RANBP2: variants seen among roughly 807,000 people sequenced by gnomAD.
The protein encoded by RANBP2 is RAN binding protein 2.
RANBP2 carries 57 observed loss-of-function variants against 303.6 expected under a neutral mutation model. That is an observed-to-expected ratio of 0.19 (90% CI 0.15 to 0.23). The LOEUF is 0.23. RANBP2 is among the 10% of genes least tolerant of loss of function. The pLI is 1.00. For synonymous variants in RANBP2, 1,167 were observed against 1,301.5 expected (o/e 0.90, Z 2.23); for missense variants, 3,138 against 3,780.8 (o/e 0.83, Z 4.46).
the RANBP2 span, among the ~76,000 whole-genome samples, chr2:109,692,823 T>TC: frequency 1.5e-4 from 23 of 150,486 alleles, no homozygotes; most frequent in Non-Finnish European, 2.5e-4. Flanking sequence ...TTTCTTTCTT[T>TC]TTTTTTTTTT....
At chr2:109,298,499 T>C in the RANBP2 span, among the ~76,000 whole-genome samples, 1 of 152,106 alleles carries the variant, frequency 6.6e-6, no homozygotes, top group Admixed American at 6.5e-5. Flanking sequence ...GGGGATGATT[T>C]AGGTCACTTT....
At chr2:109,170,309 CT>C in the RANBP2 span, among the ~76,000 whole-genome samples, 1 of 124,190 alleles carries the variant, frequency 8.1e-6, no homozygotes, top group African/African-American at 3.1e-5. Context: ...CTTCTCTTCT[CT>C]TCTCTCCTCT....
chr2:109,429,766 GCAAGAAGGCCA>G, the RANBP2 span, among the ~76,000 whole-genome samples: 1 of 152,216 alleles, frequency 6.6e-6, no homozygotes, highest in African/African-American at 2.4e-5. Flanking sequence ...TGAAACATGT[GCAAGAAGGCCA>G]CAGACAGCCC....
the RANBP2 span, among the ~76,000 whole-genome samples, chr2:108,864,165 A>G: frequency 1.3e-4 from 20 of 150,496 alleles, 1 homozygote; most frequent in South Asian, 3.2e-3. Flanking sequence ...ATATTTTGTG[A>G]AAAAAAAACA....
intron 28 of RANBP2, 109 bp from the exon 29 acceptor site, chr2:108,783,487 T>C: frequency 1.3e-6 from 1 of 746,852 alleles, no homozygotes; most frequent in Non-Finnish European, 2.1e-6. Context: ...AGCTGGGCTT[T>C]AGGATTTAAC....
chr2:109,648,938 G>C, the RANBP2 span, among the ~76,000 whole-genome samples: 17 of 152,270 alleles, frequency 1.1e-4, no homozygotes, highest in African/African-American at 4.1e-4. Flanking sequence ...GGAGTGCTGG[G>C]AGTGTCTGCT....
At chr2:109,575,259 G>C in the RANBP2 span, among the ~76,000 whole-genome samples, 1 of 152,144 alleles carries the variant, frequency 6.6e-6, no homozygotes, top group Non-Finnish European at 1.5e-5. Flanking sequence ...CTGGTACCTG[G>C]CTTATTATTT....
the RANBP2 span, among the ~76,000 whole-genome samples, chr2:109,147,539 C>T: frequency 6.6e-6 from 1 of 152,166 alleles, no homozygotes; most frequent in Non-Finnish European, 1.5e-5. Flanking sequence ...AAATGGAATG[C>T]TAAACATAGT....
At chr2:109,509,439 C>T in the RANBP2 span, among the ~76,000 whole-genome samples, 2 of 152,114 alleles carry the variant, frequency 1.3e-5, no homozygotes, top group African/African-American at 2.4e-5. Context: ...GGTTGGTTTC[C>T]TCTGAGACCT....
the RANBP2 span, among the ~76,000 whole-genome samples, chr2:109,430,829 A>G: frequency 6.6e-6 from 1 of 152,126 alleles, no homozygotes; most frequent in African/African-American, 2.4e-5. Context: ...TTTCACTGTC[A>G]GTGTTCACCA....
the RANBP2 span, among the ~76,000 whole-genome samples, chr2:109,683,973 G>T: frequency 6.6e-6 from 1 of 151,190 alleles, no homozygotes; most frequent in African/African-American, 2.4e-5. Context: ...ACAGAGTCTC[G>T]CTCTCTCCCC....
the RANBP2 span, among the ~76,000 whole-genome samples, chr2:109,507,796 C>T: frequency 3.2e-4 from 48 of 152,334 alleles, no homozygotes; most frequent in Middle Eastern, 3.4e-3. Context: ...CTTGACTCAA[C>T]TGAAAAGCTG....
At chr2:109,578,849 C>G in the RANBP2 span, among the ~76,000 whole-genome samples, 1 of 151,788 alleles carries the variant, frequency 6.6e-6, no homozygotes, top group Admixed American at 6.6e-5. Flanking sequence ...GCCACGCTTA[C>G]AGGGTAGTTT....
At chr2:109,592,185 C>T in the RANBP2 span, among the ~76,000 whole-genome samples, 1 of 152,142 alleles carries the variant, frequency 6.6e-6, no homozygotes, top group Admixed American at 6.5e-5. Flanking sequence ...CAAATAACGG[C>T]CGGGCGTGGT....
chr2:109,143,767 C>CAAAACA, the RANBP2 span, among the ~76,000 whole-genome samples: 2 of 44,046 alleles, frequency 4.5e-5, no homozygotes, highest in Admixed American at 2.0e-4. Context: ...CAAAACAAAA[C>CAAAACA]AAACAAACAA....
the RANBP2 span, among the ~76,000 whole-genome samples, chr2:109,705,876 C>A: frequency 6.6e-6 from 1 of 152,172 alleles, no homozygotes; most frequent in Non-Finnish European, 1.5e-5. Flanking sequence ...ATCCAAACTT[C>A]TAAGGTGGAA....
the RANBP2 span, among the ~76,000 whole-genome samples, chr2:108,853,044 T>G: frequency 6.6e-6 from 1 of 152,044 alleles, no homozygotes; most frequent in Non-Finnish European, 1.5e-5. Flanking sequence ...TCATAACCTT[T>G]CGTGAGATCT....
the RANBP2 span, among the ~76,000 whole-genome samples, chr2:109,059,400 C>T: frequency 6.6e-6 from 1 of 152,138 alleles, no homozygotes; most frequent in African/African-American, 2.4e-5. Context: ...ACGGTGAAAC[C>T]CCGTCTCTAC....
the RANBP2 span, among the ~76,000 whole-genome samples, chr2:109,142,060 G>A: frequency 2.0e-5 from 3 of 151,642 alleles, no homozygotes; most frequent in Non-Finnish European, 4.4e-5. Context: ...GGGGTCTCAG[G>A]TATGTGCCTA....
Sources: allele counts gnomAD v4.1 joint callset (sites outside exome capture counted in the v4.1 genomes callset), GRCh38; gene constraint gnomAD v4.1.1; transcripts MANE v1.5; gene names NCBI Gene and HGNC (gene_info 2026-07-23, HGNC 2026-07-21).